Variants in ATP9A observed in about 807,000 individuals in gnomAD.
The protein encoded by ATP9A is probable phospholipid-transporting ATPase IIA.
Under a neutral mutation model 144.1 loss-of-function variants are expected in ATP9A, and 52 were observed. That is an observed-to-expected ratio of 0.36 (90% CI 0.29 to 0.45). ATP9A has a LOEUF of 0.45. Ranked by LOEUF, ATP9A falls within the 20% of genes least tolerant of loss-of-function variation. ATP9A has a pLI of 1.00. For missense variants in ATP9A, 947 were observed against 1,392.7 expected, an observed-to-expected ratio of 0.68 and a Z score of 5.09; for synonymous variants, 582 against 557.4, an observed-to-expected ratio of 1.04 and a Z score of -0.62.
At chr20:51,606,810 C>T (rs991608573) in intron 26 of ATP9A, among the ~76,000 whole-genome samples, 1 of 151,802 alleles carries the variant, frequency 6.6e-6, no homozygotes, top group African/African-American at 2.4e-5. Context: ...CTGGGGAGGT[C>T]GAGGCTACGG....
chr20:51,607,342 G>A (rs1016683370), intron 26 of ATP9A, among the ~76,000 whole-genome samples, 185 bp downstream of exon 26: 1 of 152,228 alleles, frequency 6.6e-6, no homozygotes, highest in African/African-American at 2.4e-5. Context: ...TCACACAGCA[G>A]CACTGTGCAT....
intron 13 of ATP9A, among the ~76,000 whole-genome samples, chr20:51,658,961 A>C (rs1002880705): frequency 1.5e-5 from 2 of 136,296 alleles, no homozygotes; most frequent in Non-Finnish European, 3.0e-5. Flanking sequence ...ACCTGCCTGC[A>C]TCTCCAGCTG....
At position 51,651,483 on chromosome 20, in the gene ATP9A, T is replaced by C. The variant is rs1018507173; in HGVS notation, c.1506+5455A>G. Among the ~76,000 whole-genome samples, 5 of 150,050 alleles carry C rather than the reference T, an allele frequency of 3.3e-5. No individual in the cohort carries two copies. The East Asian group carries it at 5.8e-4, about 17-fold the overall frequency. On this transcript the variant is annotated intron_variant, in intron 14 of 27. Coordinates refer to ENST00000338821, the MANE Select transcript of ATP9A (RefSeq NM_006045.3). ...ATATATATGTATATTTAAATATGCATACATTTAGAAGGAGTCTGAGAAAAT... is the reference window on the plus strand; with the variant it reads ...ATATATATGTATATTTAAATATGCACACATTTAGAAGGAGTCTGAGAAAAT...
At chr20:51,639,602 G>C (rs1229364018) in intron 14 of ATP9A, 98 bp from the exon 15 acceptor site, 2 of 1,294,720 alleles carry the variant, frequency 1.5e-6, no homozygotes, top group South Asian at 3.0e-5. Context: ...CTCAGAGACA[G>C]GGGAATCACA....
intron 11 of ATP9A, among the ~76,000 whole-genome samples, chr20:51,673,899 A>C (rs1244240857): frequency 6.6e-6 from 1 of 151,896 alleles, no homozygotes; most frequent in Non-Finnish European, 1.5e-5. Flanking sequence ...AAAATACAAA[A>C]ATTAGCCAGG....
intron 1 of ATP9A, among the ~76,000 whole-genome samples, chr20:51,739,502 C>A (rs1299302008): frequency 6.6e-6 from 1 of 151,990 alleles, no homozygotes; most frequent in Admixed American, 6.6e-5. Flanking sequence ...CAGGCACCCG[C>A]CACCATGCCC....
chr20:51,694,053 C>T lies in ATP9A; in HGVS notation c.597G>A (p.Lys199=), dbSNP rs2122823515. ...GCGTGCAGGCCACGGGAAGCCGCAGCTTCCAGTCCGTCTCCCCATCCAGCT... is the reference window on the plus strand; with the variant it reads ...GCGTGCAGGCCACGGGAAGCCGCAGTTTCCAGTCCGTCTCCCCATCCAGCT... ...TDQLDGETDW[K]LRLPVACTQR... is the part of the protein sequence containing the mutation. The change falls in exon 7 of 28, where the codon AAG becomes AAA. Residue 199 remains lysine, a synonymous_variant. Transcript: ENST00000338821. 1 of 1,614,136 alleles carries T rather than the reference C, an allele frequency of 6.2e-7. No individual in the cohort carries two copies. Among genetic ancestry groups the T allele is most frequent in the African/African-American group, 1.3e-5 (1 of 75,056 alleles).
chr20:51,601,252 T>G lies in ATP9A; in HGVS notation c.3103A>C (p.Arg1035=), dbSNP rs2077141717. The G allele has an allele frequency of 6.2e-7, 1 of 1,613,716 alleles. No individual in the cohort carries two copies. The highest frequency in any genetic ancestry group is 1.7e-5 in the Admixed American group (1 of 59,966). ...GAGTAGCTGGGGGGAGAGAACCGTC[T>G]TCGCAGGTACTTGAGGACATAGAGG... ...LPLYVLKYLR[R]RFSPPSYSKL... Residue 1035 remains arginine, a synonymous_variant, in exon 28 of 28, where the codon AGA becomes CGA. Transcript: ENST00000338821.
intron 1 of ATP9A, among the ~76,000 whole-genome samples, chr20:51,730,716 G>A (rs1156993260): frequency 6.6e-6 from 1 of 152,164 alleles, no homozygotes; most frequent in Non-Finnish European, 1.5e-5. Flanking sequence ...AATAAGACAG[G>A]CAGTGGTAGC....
In ATP9A at chr20:51,600,834, A is replaced by G; in HGVS notation, c.*377T>C. 1 of 178,312 alleles carries G rather than the reference A, an allele frequency of 5.6e-6. No individual in the cohort carries two copies. The highest frequency in any genetic ancestry group is 1.2e-5 in the Non-Finnish European group (1 of 84,374). The allele number at this position is 178,312 out of a possible 1,614,324, so 11.0% of individuals were successfully genotyped here. On this transcript the variant is annotated 3_prime_UTR_variant, in exon 28 of 28. Transcript: ENST00000338821. ...CACACACACACACACACACACACAC[A>G]CACACACACACAAGCCTTCTACAAC...
At chr20:51,665,408 C>T (rs885780) in intron 13 of ATP9A, among the ~76,000 whole-genome samples, 74,416 of 151,930 alleles carry the variant, frequency 0.49, 18,950 homozygotes, top group East Asian at 0.8. Context: ...AAATTGTATC[C>T]CCTTTTTCCA....
Position 51,639,282 on chromosome 20 carries a change from G to T in ATP9A, c.1668+61C>A, listed in dbSNP as rs919736055. On this transcript the variant is annotated intron_variant, in intron 15 of 27. Transcript: ENST00000338821. The stretch of plus-strand genomic sequence containing the variant: ...GGTTAGAAAGAATGTCAACCCACAG[G>T]GACACACGCAGCACACCTGGGGTAC... The T allele has an allele frequency of 4.0e-6, 6 of 1,506,754 alleles. No individual in the cohort carries two copies. The Admixed American group carries it at 9.7e-5, about 24-fold the overall frequency. The allele number at this position is 1,506,754 out of a possible 1,614,324, so 93.3% of individuals were successfully genotyped here.
At chr20:51,706,645 G>A (rs564082121) in intron 4 of ATP9A, among the ~76,000 whole-genome samples, 1 of 152,310 alleles carries the variant, frequency 6.6e-6, no homozygotes, top group South Asian at 2.1e-4. Flanking sequence ...AGTTACTTGG[G>A]AGGCTGAGGT....
chr20:51,746,442 T>C (rs1303944214), intron 1 of ATP9A, among the ~76,000 whole-genome samples: 1 of 152,226 alleles, frequency 6.6e-6, no homozygotes. Flanking sequence ...CTCACGCCTG[T>C]AATCCCAGAA....
intron 5 of ATP9A, 29 bp from the exon 6 acceptor site, chr20:51,696,173 G>A (rs372396374): frequency 4.7e-5 from 75 of 1,609,224 alleles, no homozygotes; most frequent in Non-Finnish European, 6.1e-5. Context: ...GACTGTTACT[G>A]TGAATGAATG....
chr20:51,693,881 G>C, intron 7 of ATP9A, 127 bp downstream of exon 7: 1 of 783,326 alleles, frequency 1.3e-6, no homozygotes, highest in Non-Finnish European at 2.1e-6. Flanking sequence ...GGCTCTCCAG[G>C]ACCCCACGCT....
At chr20:51,740,968 T>C (rs1168457167) in intron 1 of ATP9A, among the ~76,000 whole-genome samples, 1 of 151,840 alleles carries the variant, frequency 6.6e-6, no homozygotes, top group African/African-American at 2.4e-5. Flanking sequence ...AGTTGTGCTG[T>C]CCACCTTGGC....
rs2077134903 is a variant in ATP9A at position 51,599,925 on chromosome 20, T to A, written c.*1286A>T. ...AGCAACTTGAAAACCCAAGAATGCCTTGCTCTACCACGTCCCGCGACTGCA... is the reference window on the plus strand; with the variant it reads ...AGCAACTTGAAAACCCAAGAATGCCATGCTCTACCACGTCCCGCGACTGCA... On this transcript the variant is annotated 3_prime_UTR_variant, in exon 28 of 28. Transcript: ENST00000338821. 6.6e-6 allele frequency: 1 copy of A among 152,236 alleles called. No individual in the cohort carries two copies. The highest frequency in any genetic ancestry group is 1.5e-5 in the Non-Finnish European group (1 of 68,044). The allele number at this position is 152,236 out of a possible 1,614,324, so 9.4% of individuals were successfully genotyped here. A position where few individuals can be genotyped will look rare whatever the true frequency, so the allele number is the denominator to read the frequency against.
At chr20:51,710,446 G>A (rs369604795) in intron 4 of ATP9A, among the ~76,000 whole-genome samples, 6 of 152,274 alleles carry the variant, frequency 3.9e-5, no homozygotes, top group Admixed American at 6.5e-5. Flanking sequence ...GAAGGAATTC[G>A]ACAGGAAAGT....
Sources: gnomAD v4.1 joint callset for allele counts (sites outside exome capture counted in the v4.1 genomes callset) on GRCh38, gnomAD v4.1.1 for gene constraint, MANE v1.5 for transcripts, NCBI Gene and HGNC (gene_info 2026-07-23, HGNC 2026-07-21) for gene names.